Variants in METTL2A observed in about 807,000 individuals in gnomAD.
The protein encoded by METTL2A is tRNA N(3)-cytidine methyltransferase METTL2A.
Under a neutral mutation model 49.4 loss-of-function variants are expected in METTL2A, and 45 were observed. That is an observed-to-expected ratio of 0.91 (90% CI 0.72 to 1.17). The LOEUF is 1.17. Ranked by LOEUF, METTL2A falls within the 50% of genes most tolerant of loss-of-function variation. METTL2A has a pLI of 0.00. For missense variants in METTL2A, 361 were observed against 462.2 expected (o/e 0.78, Z 2.01); for synonymous variants, 118 against 167.5 (o/e 0.70, Z 2.28).
At chr17:62,434,898 C>T in intron 4 of METTL2A, 1 of 315,144 alleles carries the variant, frequency 3.2e-6, no homozygotes, top group East Asian at 7.2e-5. Flanking sequence ...GCCAGGGTGG[C>T]TCAGCGAAGA....
chr17:62,444,251 C>T (rs2070754615), intron 6 of METTL2A, among the ~76,000 whole-genome samples: 1 of 152,182 alleles, frequency 6.6e-6, no homozygotes, highest in African/African-American at 2.4e-5. Flanking sequence ...GGAAGTGAGC[C>T]AGATAGAGAG....
At chr17:62,433,179 A>C (rs2070677782) in intron 4 of METTL2A, among the ~76,000 whole-genome samples, 1 of 152,138 alleles carries the variant, frequency 6.6e-6, no homozygotes, top group African/African-American at 2.4e-5. Context: ...CACTCTTGTA[A>C]TCCCAGCACT....
At chr17:62,439,517 T>A (rs1349105040) in intron 5 of METTL2A, among the ~76,000 whole-genome samples, 1 of 152,086 alleles carries the variant, frequency 6.6e-6, no homozygotes, top group Non-Finnish European at 1.5e-5. Context: ...TACTGAAAGC[T>A]CCGCCTCCCG....
chr17:62,427,799 T>C lies in METTL2A; in HGVS notation c.570T>C (p.Gly190=), dbSNP rs924552321. 1.9e-6 allele frequency: 3 copies of C among 1,607,120 alleles called. No homozygotes were observed. In the African/African-American group the frequency reaches 4.0e-5, roughly 22 times the overall value. Residue 190 remains glycine (G), a synonymous_variant, in exon 4 of 9, where the codon GGT becomes GGC. Transcript: ENST00000311506. Reference sequence around the variant, plus strand: ...ATTTCTGTCTGCAGGTTGGCTGTGGTGTGGGAAACACAGTCTTTCCAATTT... The same window carrying C: ...ATTTCTGTCTGCAGGTTGGCTGTGGCGTGGGAAACACAGTCTTTCCAATTT... ...ATYRILEVGC[G]VGNTVFPILQ...
In METTL2A at chr17:62,451,376, G is replaced by C. The variant is rs1350686081; in HGVS notation, c.*2647G>C. ...TTGGTCAGGCTGATCTCGAACTCCC[G>C]ACCTCAGGTGATCTGCCCGCCTTGG... On this transcript the variant is annotated 3_prime_UTR_variant, in exon 9 of 9. Transcript: ENST00000311506. 6.6e-6 allele frequency among the ~76,000 whole-genome samples: 1 copy of C among 150,802 alleles called. No homozygotes were observed. The highest frequency in any genetic ancestry group is 2.1e-4 in the South Asian group (1 of 4,794).
At position 62,448,583 on chromosome 17, in the gene METTL2A, G is replaced by A. The variant is rs201048299; in HGVS notation, c.991G>A (p.Asp331Asn). ...RVYFFTQEELDTLFTTAGLEK... is the reference protein window; with the variant it reads ...RVYFFTQEELNTLFTTAGLEK... Reference sequence around the variant, plus strand: ...TTTATTTTCCACACTAGAGGAACTGGACACGCTTTTCACCACTGCTGGACT... The same window carrying A: ...TTTATTTTCCACACTAGAGGAACTGAACACGCTTTTCACCACTGCTGGACT... Residue 331 changes from aspartate (D) to asparagine (N), a missense_variant, in exon 9 of 9, where the codon GAC becomes AAC. Transcript: ENST00000311506. 6.2e-7 allele frequency: 1 copy of A among 1,613,978 alleles called. No homozygotes were observed. Among genetic ancestry groups the A allele is most frequent in the East Asian group, 2.2e-5 (1 of 44,890 alleles).
At chr17:62,424,446 C>T in intron 2 of METTL2A, 136 bp downstream of exon 2, 1 of 1,288,224 alleles carries the variant, frequency 7.8e-7, no homozygotes, top group South Asian at 1.4e-5. Flanking sequence ...TAGAGCGGGA[C>T]AGGGAGGGGA....
At chr17:62,444,805 C>A (rs77458956) in intron 6 of METTL2A, 32 bp from the exon 7 acceptor site, 1 of 1,610,636 alleles carries the variant, frequency 6.2e-7, no homozygotes, top group Non-Finnish European at 8.5e-7. Context: ...TTAAGGAGAC[C>A]TGATTGACCG....
chr17:62,436,816 C>T (rs1288097493), intron 5 of METTL2A, among the ~76,000 whole-genome samples: 5 of 152,230 alleles, frequency 3.3e-5, no homozygotes, highest in South Asian at 2.1e-4. Flanking sequence ...CCGTAGCATG[C>T]GATGCTGATA....
chr17:62,439,508 A>C (rs746562331), intron 5 of METTL2A, among the ~76,000 whole-genome samples: 2 of 151,944 alleles, frequency 1.3e-5, no homozygotes, highest in South Asian at 4.2e-4. Context: ...ATCTCAGCTT[A>C]CTGAAAGCTC....
At chr17:62,442,807 A>G (rs1360302503) in intron 6 of METTL2A, among the ~76,000 whole-genome samples, 2 of 152,288 alleles carry the variant, frequency 1.3e-5, no homozygotes, top group South Asian at 2.1e-4. Flanking sequence ...TAAGTAAGTT[A>G]GTGTTAAAGG....
intron 6 of METTL2A, among the ~76,000 whole-genome samples, chr17:62,443,105 G>C (rs550680472): frequency 6.6e-6 from 1 of 152,334 alleles, no homozygotes; most frequent in East Asian, 1.9e-4. Flanking sequence ...AGGCACAGTG[G>C]CTCACGCCTA....
At chr17:62,427,625 A>G (rs1294452557) in intron 3 of METTL2A, among the ~76,000 whole-genome samples, 163 bp from the exon 4 acceptor site, 2 of 152,244 alleles carry the variant, frequency 1.3e-5, no homozygotes, top group Non-Finnish European at 2.9e-5. Flanking sequence ...TGAAGTCAAC[A>G]TCAAAATCAA....
At chr17:62,424,057 C>T in intron 1 of METTL2A, 45 bp downstream of exon 1, 6 of 1,600,202 alleles carry the variant, frequency 3.7e-6, no homozygotes, top group Non-Finnish European at 5.1e-6. Context: ...GACCCTCTGT[C>T]CCGCCGCCTC....
chr17:62,435,240 G>T lies in METTL2A; in HGVS notation c.617G>T (p.Gly206Val), dbSNP rs1163053920. 6.2e-7 allele frequency: 1 copy of T among 1,613,918 alleles called. No individual in the cohort carries two copies. The highest frequency in any genetic ancestry group is 8.5e-7 in the Non-Finnish European group (1 of 1,179,858). Reference protein sequence around the residue: ...FPILQTNNDPGLFVYCCDFSS... With the variant: ...FPILQTNNDPVLFVYCCDFSS... ...TTTTCTGCCCATTTCAGTGACCCAG[G>T]ACTCTTTGTTTATTGCTGTGATTTT... The change falls in exon 5 of 9, where the codon GGA (glycine) becomes GTA (valine). Residue 206 changes from glycine to valine, a missense_variant. Gly to Val is a moderately radical substitution (Grantham distance 109, BLOSUM62 -3). Around this residue, in one of 3 missense-constraint regions of METTL2A, gnomAD observed 183 missense variants for 216.5 expected, o/e 0.85. Coordinates refer to ENST00000311506, the MANE Select transcript of METTL2A (RefSeq NM_181725.4).
At chr17:62,442,612 G>T (rs2070744959) in intron 6 of METTL2A, among the ~76,000 whole-genome samples, 1 of 152,130 alleles carries the variant, frequency 6.6e-6, no homozygotes, top group Non-Finnish European at 1.5e-5. Flanking sequence ...AGAGTCAGAT[G>T]GTGGCTCAGA....
chr17:62,424,078 G>A, intron 1 of METTL2A, 66 bp downstream of exon 1: 1 of 1,590,810 alleles, frequency 6.3e-7, no homozygotes, highest in Non-Finnish European at 8.6e-7. Flanking sequence ...GGAGCACTCC[G>A]AAAAGCCCCT....
chr17:62,443,916 A>T (rs1201055557), intron 6 of METTL2A, among the ~76,000 whole-genome samples: 3 of 151,926 alleles, frequency 2.0e-5, no homozygotes, highest in Admixed American at 6.6e-5. Context: ...AGACTTTGAA[A>T]TTTTTTTGGT....
Position 62,452,419 on chromosome 17 carries a change from C to G in METTL2A, c.*3690C>G, listed in dbSNP as rs1465777956. On this transcript the variant is annotated 3_prime_UTR_variant, in exon 9 of 9. Transcript: ENST00000311506. ...AGGGAAGTGCTTTGAGACTAAATAT[C>G]CTGTTCCTCATCAAACTTCTACCCC... Among the ~76,000 whole-genome samples the G allele has an allele frequency of 6.6e-6, 1 of 152,148 alleles. No homozygotes were observed. The highest frequency in any genetic ancestry group is 2.4e-5 in the African/African-American group (1 of 41,450).
Sources: allele counts gnomAD v4.1 joint callset (sites outside exome capture counted in the v4.1 genomes callset), GRCh38; gene constraint gnomAD v4.1.1; regional missense constraint gnomAD v4.1.1; transcripts MANE v1.5; gene names NCBI Gene and HGNC (gene_info 2026-07-23, HGNC 2026-07-21).